TVP23A: variants seen among roughly 807,000 people sequenced by gnomAD.
The protein encoded by TVP23A is trans-golgi network vesicle protein 23 homolog A.
TVP23A carries 21 observed loss-of-function variants against 31.7 expected under a neutral mutation model. The observed-to-expected ratio is 0.66, with a 90% CI of 0.47 to 0.95. The LOEUF is 0.95. Ranked by LOEUF, TVP23A falls within the 40% of genes least tolerant of loss-of-function variation. The pLI is 0.00. For missense variants in TVP23A, 279 were observed against 255.6 expected (o/e 1.09, Z -0.62); for synonymous variants, 104 against 96.0 (o/e 1.08, Z -0.49).
chr16:10,816,683 G>C (rs2034453521), intron 2 of TVP23A, among the ~76,000 whole-genome samples: 1 of 151,946 alleles, frequency 6.6e-6, no homozygotes. Flanking sequence ...GATTATCTGG[G>C]TGGACGCTAA....
chr16:10,807,081 G>A (rs1405611067), intron 2 of TVP23A, among the ~76,000 whole-genome samples: 3 of 152,090 alleles, frequency 2.0e-5, no homozygotes, highest in South Asian at 2.1e-4. Context: ...TTAGAGAGCC[G>A]GTGACAATAT....
chr16:10,761,296 C>G lies in TVP23A; in HGVS notation c.*479G>C. 3.5e-6 allele frequency: 5 copies of G among 1,423,188 alleles called. No individual in the cohort carries two copies. The South Asian group carries it at 5.9e-5, about 17-fold the overall frequency. The allele number at this position is 1,423,188 out of a possible 1,614,324, so 88.2% of individuals were successfully genotyped here. On this transcript the variant is annotated 3_prime_UTR_variant and NMD_transcript_variant, in exon 9 of 9. Transcript: ENST00000456096. ...AGATCCACTGCATTGCAGCCATCCC[C>G]TCGGTTGCACAGACATTCCCTTTCT...
chr16:10,773,316 C>A lies in TVP23A; in HGVS notation c.450G>T (p.Trp150Cys), dbSNP rs778156074. 6 of 1,602,692 alleles carry A rather than the reference C, an allele frequency of 3.7e-6. No individual in the cohort carries two copies. Among genetic ancestry groups the A allele is most frequent in the Non-Finnish European group, 5.1e-6 (6 of 1,176,804 alleles). Residue 150 changes from tryptophan to cysteine, a missense_variant, in exon 5 of 8, where the codon TGG becomes TGT. Physicochemically the swap from Trp to Cys is radical, Grantham distance 215 (BLOSUM62 -2). Coordinates refer to ENST00000299866, the MANE Select transcript of TVP23A (RefSeq NM_001079512.4). The part of the protein sequence containing the change: ...FSTLFSLKLK[W>C]LALVVAGISL... Reference sequence around the variant, plus strand: ...GGAAGTCAAGATCTGGCCTTACCAGCCACTTTAGCTTCAAGGAAAATAAGG... The same window carrying A: ...GGAAGTCAAGATCTGGCCTTACCAGACACTTTAGCTTCAAGGAAAATAAGG...
intron 2 of TVP23A, among the ~76,000 whole-genome samples, chr16:10,785,123 G>A (rs1396636663): frequency 7.0e-6 from 1 of 143,202 alleles, no homozygotes; most frequent in Non-Finnish European, 1.5e-5. Flanking sequence ...AATAGAGCCA[G>A]GCCGGGCATG....
Position 10,771,759 on chromosome 16 carries a change from G to A in TVP23A, c.493C>T (p.Leu165=). Residue 165 remains leucine, a synonymous_variant, in exon 6 of 8, where the codon CTG becomes TTG. Coordinates refer to ENST00000299866, the MANE Select transcript of TVP23A (RefSeq NM_001079512.4). ...VAGISLQAAN[L]YGYILCKMGG... ...ATCTTACAAAGGATGTAGCCATACA[G>A]GTTTGCAGCTTGGAGAGAGATCCCA... The A allele has an allele frequency of 6.3e-7, 1 of 1,598,772 alleles. No individual in the cohort carries two copies. The highest frequency in any genetic ancestry group is 1.3e-5 in the African/African-American group (1 of 74,770).
Position 10,766,813 on chromosome 16 carries a change from T to G in TVP23A, c.*2289A>C, listed in dbSNP as rs1303083709. On this transcript the variant is annotated 3_prime_UTR_variant, in exon 8 of 8. Coordinates refer to ENST00000299866, the MANE Select transcript of TVP23A (RefSeq NM_001079512.4). This position sits in a 1 kb window ranked among gnomAD's most constrained non-coding sequence, Gnocchi z 4.8. The stretch of plus-strand genomic sequence containing the variant: ...AATACCCTCTACTTGAGGTACGCCC[T>G]ATATAAACGAAAAGGATGAAGTAAA... The G allele has an allele frequency of 2.5e-6, 1 of 397,510 alleles. No individual in the cohort carries two copies. The highest frequency in any genetic ancestry group is 4.4e-6 in the Non-Finnish European group (1 of 225,930). 24.6% of individuals were successfully genotyped at this position (397,510 alleles called of 1,614,324 possible).
intron 2 of TVP23A, among the ~76,000 whole-genome samples, chr16:10,799,789 C>T (rs1247420352): frequency 6.6e-6 from 1 of 152,092 alleles, no homozygotes; most frequent in Non-Finnish European, 1.5e-5. Context: ...GTGGATGAGA[C>T]CATGAGGACA....
chr16:10,808,100 T>C (rs946380785), intron 2 of TVP23A, among the ~76,000 whole-genome samples: 11 of 152,204 alleles, frequency 7.2e-5, no homozygotes, highest in Non-Finnish European at 1.5e-4. Context: ...TAATCTTGAC[T>C]CTGAGAAAAT....
In TVP23A at chr16:10,768,261, T is replaced by A; in HGVS notation, c.*841A>T. ...AGGGTGAAATTTATGGCTTAGGAAA[T>A]ACATCCCAATAAAGGGATAAAGTAA... is the stretch of plus-strand genomic sequence containing the variant. On this transcript the variant is annotated 3_prime_UTR_variant, in exon 8 of 8. Transcript: ENST00000299866. The surrounding 1 kb of genome is among the most constrained non-coding windows in gnomAD (Gnocchi z 4.3). The A allele has an allele frequency of 2.7e-6, 1 of 365,412 alleles. No homozygotes were observed. The highest frequency in any genetic ancestry group is 4.9e-6 in the Non-Finnish European group (1 of 202,284). 22.6% of individuals were successfully genotyped at this position (365,412 alleles called of 1,614,324 possible). A position where few individuals can be genotyped will look rare whatever the true frequency, so the allele number is the denominator to read the frequency against.
At chr16:10,817,054 C>T (rs1567324074) in intron 2 of TVP23A, among the ~76,000 whole-genome samples, 2 of 152,062 alleles carry the variant, frequency 1.3e-5, no homozygotes, top group Admixed American at 6.5e-5. Context: ...AGAATGCCAG[C>T]AGTCACCAAA....
intron 2 of TVP23A, among the ~76,000 whole-genome samples, chr16:10,791,307 G>C (rs74970063): frequency 6.6e-6 from 1 of 152,084 alleles, no homozygotes; most frequent in Non-Finnish European, 1.5e-5. Flanking sequence ...CTTTGGCCCC[G>C]ACACCCACTT....
chr16:10,808,181 T>C (rs1254867415), intron 2 of TVP23A, among the ~76,000 whole-genome samples: 3 of 152,214 alleles, frequency 2.0e-5, no homozygotes, highest in African/African-American at 7.2e-5. Context: ...AGTGCTTGCA[T>C]ATAGTAAGTG....
chr16:10,801,832 C>A (rs1433969384), intron 2 of TVP23A, among the ~76,000 whole-genome samples: 1 of 152,026 alleles, frequency 6.6e-6, no homozygotes, highest in Non-Finnish European at 1.5e-5. Context: ...CTCTTAGTTT[C>A]CATAATCGCA....
At chr16:10,763,322 T>A (rs929686282), downstream of TVP23A, among the ~76,000 whole-genome samples, 1 of 151,628 alleles carries the variant, frequency 6.6e-6, no homozygotes, top group African/African-American at 2.4e-5. Flanking sequence ...GAGGACAGTG[T>A]TGGGGGATGG....
At chr16:10,816,383 G>C (rs1183651278) in intron 2 of TVP23A, among the ~76,000 whole-genome samples, 1 of 151,644 alleles carries the variant, frequency 6.6e-6, no homozygotes, top group Non-Finnish European at 1.5e-5. Context: ...GCCCAGACTG[G>C]AGTGTAGTGG....
chr16:10,783,286 C>T (rs575702758), intron 2 of TVP23A, among the ~76,000 whole-genome samples: 7 of 152,260 alleles, frequency 4.6e-5, no homozygotes, highest in Admixed American at 2.0e-4. Context: ...CAGGGTTTAC[C>T]GAAGTGAGCT....
intron 2 of TVP23A, among the ~76,000 whole-genome samples, chr16:10,814,630 G>A (rs867489949): frequency 1.3e-5 from 2 of 152,116 alleles, no homozygotes; most frequent in Non-Finnish European, 2.9e-5. Flanking sequence ...TCCTTCCATG[G>A]TGACCGAACT....
intron 2 of TVP23A, among the ~76,000 whole-genome samples, chr16:10,780,680 A>C (rs1339449023): frequency 1.3e-5 from 2 of 152,106 alleles, no homozygotes; most frequent in Non-Finnish European, 2.9e-5. Context: ...TCTTCTGCAA[A>C]ATGGGAATGC....
chr16:10,770,909 T>C (rs1467704993), intron 6 of TVP23A, among the ~76,000 whole-genome samples: 2 of 142,198 alleles, frequency 1.4e-5, no homozygotes, highest in Non-Finnish European at 3.1e-5. Flanking sequence ...GAAAAACCGT[T>C]TGTGACTCTT....
Sources: gnomAD v4.1 joint callset for allele counts (sites outside exome capture counted in the v4.1 genomes callset) on GRCh38, gnomAD v4.1.1 for gene constraint, Gnocchi (gnomAD v3.1) non-coding constraint, MANE v1.5 for transcripts, NCBI Gene and HGNC (gene_info 2026-07-23, HGNC 2026-07-21) for gene names.